RBPMS: variants seen among roughly 807,000 people sequenced by gnomAD.
RBPMS encodes the protein RNA binding protein, mRNA processing factor, also known as RNA-binding protein with multiple splicing.
Under a neutral mutation model 26.8 loss-of-function variants are expected in RBPMS, and 7 were observed. The ratio of observed to expected loss-of-function variants is 0.26; its 90% CI spans 0.15 to 0.49. The LOEUF (loss-of-function observed/expected upper bound fraction) is 0.49. RBPMS is among the 20% of genes least tolerant of loss of function. The pLI, the probability that RBPMS is intolerant of heterozygous loss-of-function variation, is 0.98. For missense variants in RBPMS, 186 were observed against 250.0 expected (o/e 0.74, Z 1.73); for synonymous variants, 96 against 93.3 (o/e 1.03, Z -0.17).
chr8:30,518,686 A>ATTTTTTTTTT (rs1563402271), intron 5 of RBPMS, among the ~76,000 whole-genome samples: 2 of 8,104 alleles, frequency 2.5e-4, no homozygotes, highest in Non-Finnish European at 6.6e-4. Flanking sequence ...GCCAAGCATG[A>ATTTTTTTTTT]CTTTTTTTTT....
chr8:30,527,267 G>A (rs563816725), intron 5 of RBPMS, among the ~76,000 whole-genome samples: 3 of 152,046 alleles, frequency 2.0e-5, no homozygotes, highest in Non-Finnish European at 4.4e-5. Flanking sequence ...AGATGAAATG[G>A]CCCTGGAAGC....
chr8:30,516,332 C>T (rs1487467592), intron 5 of RBPMS, among the ~76,000 whole-genome samples: 2 of 152,190 alleles, frequency 1.3e-5, no homozygotes, highest in Non-Finnish European at 2.9e-5. Flanking sequence ...TTGCAGTGAG[C>T]TGAGATCGTG....
rs113524636 is a variant in RBPMS, at chr8:30,469,591, G to A, written c.67-5188G>A. Among the ~76,000 whole-genome samples, 167 of 152,306 alleles carry A rather than the reference G, an allele frequency of 1.1e-3. 1 individual carries two copies. The highest frequency in any genetic ancestry group is 3.8e-3 in the African/African-American group (160 of 41,580). ...AAAGCTGTCAGCAGTTTCATCTCTT[G>A]AACTTCTATGAGGCATGTTGTGTAC... On this transcript the variant is annotated intron_variant, in intron 1 of 8. Transcript: ENST00000397323.
intron 1 of RBPMS, among the ~76,000 whole-genome samples, chr8:30,409,478 C>T (rs1373062995): frequency 1.3e-5 from 2 of 152,108 alleles, no homozygotes; most frequent in Non-Finnish European, 2.9e-5. Flanking sequence ...CAGGTGTGAG[C>T]CACCACGCCC....
intron 5 of RBPMS, among the ~76,000 whole-genome samples, chr8:30,532,578 A>G (rs570229023): frequency 6.6e-6 from 1 of 152,350 alleles, no homozygotes; most frequent in South Asian, 2.1e-4. Context: ...TTACAACTAA[A>G]GGACTTAAAG....
intron 4 of RBPMS, among the ~76,000 whole-genome samples, chr8:30,481,165 T>C (rs1818230865): frequency 6.6e-6 from 1 of 152,246 alleles, no homozygotes; most frequent in Non-Finnish European, 1.5e-5. Context: ...TGTTGCTGTA[T>C]TGCCCAGGCT....
rs1381684730 is a variant in RBPMS, at chr8:30,544,894, G to A, written c.528+270G>A. The A allele has an allele frequency of 3.2e-5, 48 of 1,487,096 alleles. 1 individual carries two copies. In the Middle Eastern group the frequency reaches 5.2e-4, roughly 16 times the overall value. 92.1% of individuals were successfully genotyped at this position (1,487,096 alleles called of 1,614,324 possible). The stretch of plus-strand genomic sequence containing the variant: ...CACCTCATATCGCACATGAGAGACC[G>A]GGGCAGGTTTATCCACCTGGCTCCC... On this transcript the variant is annotated intron_variant, in intron 6 of 8. Transcript: ENST00000397323.
At chr8:30,512,749 CTATACT>C (rs1352767026) in intron 5 of RBPMS, among the ~76,000 whole-genome samples, 5 of 152,198 alleles carry the variant, frequency 3.3e-5, no homozygotes, top group African/African-American at 4.8e-5. Flanking sequence ...ACTGACCATA[CTATACT>C]TAAACAAATT....
intron 4 of RBPMS, among the ~76,000 whole-genome samples, chr8:30,487,619 A>T (rs1241622307): frequency 6.6e-6 from 1 of 152,136 alleles, no homozygotes; most frequent in Non-Finnish European, 1.5e-5. Context: ...AATAGTCAAA[A>T]TTTTTTATAT....
At chr8:30,488,519 C>T (rs1585634276) in intron 4 of RBPMS, among the ~76,000 whole-genome samples, 1 of 152,160 alleles carries the variant, frequency 6.6e-6, no homozygotes, top group East Asian at 1.9e-4. Flanking sequence ...TGGCTGTTCA[C>T]ACCTCTTAGA....
At chr8:30,541,578 G>T (rs142186153) in intron 5 of RBPMS, among the ~76,000 whole-genome samples, 1 of 152,212 alleles carries the variant, frequency 6.6e-6, no homozygotes, top group Non-Finnish European at 1.5e-5. Flanking sequence ...CCCTCTTTCT[G>T]CTTACTGGGG....
chr8:30,557,248 G>A (rs1344900660), intron 6 of RBPMS, among the ~76,000 whole-genome samples: 2 of 152,348 alleles, frequency 1.3e-5, no homozygotes, highest in Middle Eastern at 3.4e-3. Flanking sequence ...TCAGGCCAGC[G>A]AGGAAAGAAC....
At chr8:30,531,372 G>C (rs1824209188) in intron 5 of RBPMS, among the ~76,000 whole-genome samples, 1 of 152,128 alleles carries the variant, frequency 6.6e-6, no homozygotes, top group Non-Finnish European at 1.5e-5. Context: ...CTCATGCCCA[G>C]ATTTCCTTGA....
intron 2 of RBPMS, among the ~76,000 whole-genome samples, chr8:30,477,077 C>T (rs558025739): frequency 1.3e-5 from 2 of 152,058 alleles, no homozygotes; most frequent in South Asian, 2.1e-4. Context: ...TTTTTTGAGA[C>T]GGAGTCTGGC....
intron 5 of RBPMS, among the ~76,000 whole-genome samples, chr8:30,508,874 C>G (rs1432494666): frequency 6.6e-6 from 1 of 151,968 alleles, no homozygotes; most frequent in Non-Finnish European, 1.5e-5. Flanking sequence ...TGCAATATAC[C>G]TTATTATAAT....
At position 30,555,742 on chromosome 8, in the gene RBPMS, G is replaced by A. The variant is rs960317106; in HGVS notation, c.529-3145G>A. ...GGACCTTGACGCAGGCAGTCTGGAGGGAACTGTAGGTTTCCCCGTTAAGAA... is the reference window on the plus strand; with the variant it reads ...GGACCTTGACGCAGGCAGTCTGGAGAGAACTGTAGGTTTCCCCGTTAAGAA... On this transcript the variant is annotated intron_variant, in intron 6 of 8. Transcript: ENST00000397323. The A allele has an allele frequency of 2.9e-5, 9 of 314,086 alleles. No homozygotes were observed. The South Asian group carries it at 5.0e-4, about 17-fold the overall frequency. 19.5% of individuals were successfully genotyped at this position (314,086 alleles called of 1,614,324 possible). A position where few individuals can be genotyped will look rare whatever the true frequency, so the allele number is the denominator to read the frequency against.
intron 1 of RBPMS, among the ~76,000 whole-genome samples, chr8:30,419,858 T>TA (rs1368883080): frequency 1.3e-5 from 2 of 152,158 alleles, no homozygotes; most frequent in African/African-American, 2.4e-5. Flanking sequence ...AAAAAACAGA[T>TA]ACCATTCTTG....
intron 6 of RBPMS, chr8:30,549,503 T>C: frequency 1.2e-6 from 2 of 1,612,010 alleles, no homozygotes; most frequent in Non-Finnish European, 1.7e-6. Context: ...CCTGCAGCTC[T>C]GTGAAGGTCA....
chr8:30,389,709 A>G (rs1290807867), intron 1 of RBPMS, among the ~76,000 whole-genome samples: 4 of 152,224 alleles, frequency 2.6e-5, no homozygotes, highest in Admixed American at 2.6e-4. Flanking sequence ...ACTGCTAACT[A>G]AATCATTGTA....
Sources: allele counts gnomAD v4.1 joint callset (sites outside exome capture counted in the v4.1 genomes callset), GRCh38; gene constraint gnomAD v4.1.1; transcripts MANE v1.5; gene names NCBI Gene and HGNC (gene_info 2026-07-23, HGNC 2026-07-21).